The following REDIC1 variants were observed in gnomAD, a reference collection of about 807,000 sequenced individuals.
REDIC1 encodes HEI10 Interacting Protein 1.
At chr12:39,670,674 A>G in the REDIC1 span, among the ~76,000 whole-genome samples, 1 of 151,738 alleles carries the variant, frequency 6.6e-6, no homozygotes, top group East Asian at 1.9e-4. Context: ...ACCTTTCGGG[A>G]TACTCAACAT....
At chr12:39,644,788 A>G in the REDIC1 span, among the ~76,000 whole-genome samples, 1 of 151,950 alleles carries the variant, frequency 6.6e-6, no homozygotes, top group Non-Finnish European at 1.5e-5. Context: ...ATCCATTGCT[A>G]GGTTTATGGC....
the REDIC1 span, among the ~76,000 whole-genome samples, chr12:39,786,031 G>A: frequency 2.6e-5 from 4 of 152,158 alleles, no homozygotes; most frequent in African/African-American, 4.8e-5. Flanking sequence ...GGACTTTTGA[G>A]TTAATGCTGA....
chr12:39,722,682 A>C, the REDIC1 span, among the ~76,000 whole-genome samples: 2 of 152,176 alleles, frequency 1.3e-5, no homozygotes, highest in Non-Finnish European at 2.9e-5. Context: ...TGTTTTTATC[A>C]ATATCATAAT....
chr12:39,632,051 G>GTGTA, the REDIC1 span, among the ~76,000 whole-genome samples: 81 of 148,700 alleles, frequency 5.4e-4, no homozygotes, highest in Middle Eastern at 3.6e-3. Context: ...GTGTAAATTT[G>GTGTA]TATATATATA....
At chr12:39,651,856 GT>G in the REDIC1 span, among the ~76,000 whole-genome samples, 13 of 152,116 alleles carry the variant, frequency 8.5e-5, no homozygotes, top group African/African-American at 3.1e-4. Flanking sequence ...ATCCCCAGTA[GT>G]TTATTTGGGT....
At chr12:39,660,850 A>G in the REDIC1 span, among the ~76,000 whole-genome samples, 3 of 152,024 alleles carry the variant, frequency 2.0e-5, no homozygotes, top group Non-Finnish European at 4.4e-5. Context: ...GCCTCTGGTA[A>G]CTATCATTCT....
At chr12:39,881,856 A>G in the REDIC1 span, among the ~76,000 whole-genome samples, 1 of 152,026 alleles carries the variant, frequency 6.6e-6, no homozygotes, top group Admixed American at 6.6e-5. Flanking sequence ...TTCATTCAAT[A>G]AAGATTTCAG....
chr12:39,857,687 T>TA, the REDIC1 span, among the ~76,000 whole-genome samples: 1 of 152,240 alleles, frequency 6.6e-6, no homozygotes, highest in South Asian at 2.1e-4. Context: ...TATTCTAAGA[T>TA]AATGTCCAAA....
At chr12:39,798,811 A>C in the REDIC1 span, among the ~76,000 whole-genome samples, 1 of 152,194 alleles carries the variant, frequency 6.6e-6, no homozygotes, top group East Asian at 1.9e-4. Flanking sequence ...TTGTATAAAC[A>C]CAATTATATA....
chr12:39,688,409 C>T, the REDIC1 span, among the ~76,000 whole-genome samples: 1 of 152,136 alleles, frequency 6.6e-6, no homozygotes, highest in African/African-American at 2.4e-5. Flanking sequence ...CATAGATATA[C>T]TAAGATGTCA....
the REDIC1 span, among the ~76,000 whole-genome samples, chr12:39,636,893 C>T: frequency 6.6e-6 from 1 of 151,790 alleles, no homozygotes; most frequent in Non-Finnish European, 1.5e-5. Context: ...TTAAACATTT[C>T]TTTGGTAACT....
At chr12:39,716,375 C>T in the REDIC1 span, among the ~76,000 whole-genome samples, 1 of 151,998 alleles carries the variant, frequency 6.6e-6, no homozygotes, top group Non-Finnish European at 1.5e-5. Context: ...ACTAGATTGG[C>T]AAATGTCTGA....
the REDIC1 span, among the ~76,000 whole-genome samples, chr12:39,903,076 A>G: frequency 6.6e-6 from 1 of 152,176 alleles, no homozygotes; most frequent in African/African-American, 2.4e-5. Context: ...CCATAGGAAC[A>G]TCGTAATAAT....
the REDIC1 span, among the ~76,000 whole-genome samples, chr12:39,640,058 GTT>G: frequency 1.4e-5 from 2 of 138,474 alleles, no homozygotes; most frequent in Non-Finnish European, 3.2e-5. Flanking sequence ...GAACTACTAG[GTT>G]TTTTTTTTTT....
At chr12:39,896,757 A>G in the REDIC1 span, among the ~76,000 whole-genome samples, 1 of 152,018 alleles carries the variant, frequency 6.6e-6, no homozygotes, top group Non-Finnish European at 1.5e-5. Flanking sequence ...TTTCTATTAT[A>G]TTTTTCACAT....
the REDIC1 span, among the ~76,000 whole-genome samples, chr12:39,788,143 A>T: frequency 1.3e-5 from 2 of 152,142 alleles, no homozygotes; most frequent in South Asian, 2.1e-4. Flanking sequence ...TATGTGAGGG[A>T]TACATTCCAA....
chr12:39,796,893 C>T, the REDIC1 span, among the ~76,000 whole-genome samples: 1 of 152,124 alleles, frequency 6.6e-6, no homozygotes, highest in Non-Finnish European at 1.5e-5. Context: ...CCTTATAACA[C>T]ATTTCTAGAA....
At chr12:39,643,836 CCTGTCAAAAATTCTG>C in the REDIC1 span, 26 of 1,564,932 alleles carry the variant, frequency 1.7e-5, no homozygotes, top group Non-Finnish European at 2.3e-5. Flanking sequence ...AGTTTTATCT[CCTGTCAAAAATTCTG>C]CTGTCAGCTT....
the REDIC1 span, among the ~76,000 whole-genome samples, chr12:39,685,172 CA>C: frequency 2.0e-5 from 3 of 152,244 alleles, no homozygotes; most frequent in African/African-American, 7.2e-5. Flanking sequence ...ATTTTAAACA[CA>C]TTTTTTAAGT....
Sources: allele counts gnomAD v4.1 joint callset (sites outside exome capture counted in the v4.1 genomes callset), GRCh38; gene constraint gnomAD v4.1.1; transcripts MANE v1.5; gene names NCBI Gene and HGNC (gene_info 2026-07-23, HGNC 2026-07-21).